The following RUNDC3B variants were observed in gnomAD, a reference collection of about 807,000 sequenced individuals.
The protein encoded by RUNDC3B is RUN domain containing 3B, also known as RUN domain-containing protein 3B.
In RUNDC3B, 33 loss-of-function variants were observed where a neutral mutation model predicts 58.4. That is an observed-to-expected ratio of 0.56 (90% CI 0.43 to 0.75). RUNDC3B has a LOEUF of 0.75. Ranked by LOEUF, RUNDC3B falls within the 30% of genes least tolerant of loss-of-function variation. The pLI is 0.00. For synonymous variants in RUNDC3B, 193 were observed against 195.2 expected, an observed-to-expected ratio of 0.99 and a Z score of 0.10; for missense variants, 501 against 535.7, an observed-to-expected ratio of 0.94 and a Z score of 0.64.
At chr7:87,671,041 G>T (rs1825777228) in intron 2 of RUNDC3B, among the ~76,000 whole-genome samples, 1 of 152,166 alleles carries the variant, frequency 6.6e-6, no homozygotes, top group Non-Finnish European at 1.5e-5. Context: ...GTGACTGAGG[G>T]TCATTTGCTT....
intron 1 of RUNDC3B, among the ~76,000 whole-genome samples, chr7:87,646,698 T>A (rs567913341): frequency 2.0e-5 from 3 of 152,284 alleles, no homozygotes; most frequent in African/African-American, 7.2e-5. Context: ...CATTTCCTTT[T>A]CCTACACACT....
chr7:87,689,089 T>C (rs1827759135), intron 2 of RUNDC3B, among the ~76,000 whole-genome samples: 1 of 152,020 alleles, frequency 6.6e-6, no homozygotes, highest in Non-Finnish European at 1.5e-5. Flanking sequence ...AAATTTAGAT[T>C]TGGCTTCTGG....
At chr7:87,727,997 T>A (rs1042671229) in intron 4 of RUNDC3B, among the ~76,000 whole-genome samples, 4 of 152,134 alleles carry the variant, frequency 2.6e-5, no homozygotes, top group African/African-American at 9.7e-5. Context: ...GCAGAGAATA[T>A]TATTAAAGTT....
At chr7:87,660,468 C>T (rs955189491) in intron 2 of RUNDC3B, among the ~76,000 whole-genome samples, 3 of 152,052 alleles carry the variant, frequency 2.0e-5, no homozygotes, top group African/African-American at 7.2e-5. Flanking sequence ...AAAATTAAAG[C>T]TCTCTAAAGA....
intron 9 of RUNDC3B, among the ~76,000 whole-genome samples, 200 bp from the exon 10 acceptor site, chr7:87,815,941 T>C (rs1316940079): frequency 1.3e-5 from 2 of 152,066 alleles, no homozygotes; most frequent in Admixed American, 6.6e-5. Flanking sequence ...TTCCAATGGA[T>C]TAAACAGATA....
chr7:87,776,058 T>C (rs1450835300), intron 7 of RUNDC3B, among the ~76,000 whole-genome samples: 1 of 152,152 alleles, frequency 6.6e-6, no homozygotes, highest in Non-Finnish European at 1.5e-5. Flanking sequence ...TATACTAACA[T>C]AAGATCATGT....
chr7:87,748,322 C>T (rs895895945), intron 6 of RUNDC3B, among the ~76,000 whole-genome samples: 5 of 152,142 alleles, frequency 3.3e-5, no homozygotes, highest in African/African-American at 9.7e-5. Flanking sequence ...GGGGCACCCA[C>T]GGTATTTGGC....
At chr7:87,711,514 G>A (rs551839514) in intron 4 of RUNDC3B, among the ~76,000 whole-genome samples, 133 of 152,004 alleles carry the variant, frequency 8.7e-4, no homozygotes, top group South Asian at 1.7e-3. Flanking sequence ...TACATATTAG[G>A]ACAACAGTCA....
At chr7:87,755,293 TTA>T (rs1248025483) in intron 6 of RUNDC3B, among the ~76,000 whole-genome samples, 2 of 152,030 alleles carry the variant, frequency 1.3e-5, no homozygotes, top group Non-Finnish European at 2.9e-5. Context: ...AGTCCTGGGA[TTA>T]CAGGTGTGAG....
Position 87,727,605 on chromosome 7 carries a change from T to C in RUNDC3B, c.459-12186T>C, listed in dbSNP as rs539456265. ...TAGCTACATTTTTTTCCCAGATGAA[T>C]TTCTAAAACAAAGATCGACTAGGAA... On this transcript the variant is annotated intron_variant, in intron 4 of 10. Coordinates refer to ENST00000394654, the MANE Select transcript of RUNDC3B (RefSeq NM_001134405.2). Among the ~76,000 whole-genome samples, 8 of 152,284 alleles carry C rather than the reference T, an allele frequency of 5.3e-5. 1 individual carries two copies. The South Asian group carries it at 1.7e-3, about 32-fold the overall frequency.
At chr7:87,752,951 C>G (rs1433351176) in intron 6 of RUNDC3B, among the ~76,000 whole-genome samples, 4 of 151,232 alleles carry the variant, frequency 2.6e-5, no homozygotes, top group Admixed American at 6.6e-5. Context: ...TTTTCTAGTT[C>G]TTTTAATTGT....
rs201006767 is a variant in RUNDC3B at position 87,737,258 on chromosome 7, A to T, written c.459-2533A>T. Reference sequence around the variant, plus strand: ...TGAAAAAAGGGAATTTTAAGTATATACCTTACTATTATTGGATTAGTCATC... The same window carrying T: ...TGAAAAAAGGGAATTTTAAGTATATTCCTTACTATTATTGGATTAGTCATC... On this transcript the variant is annotated intron_variant, in intron 4 of 10. Coordinates refer to ENST00000394654, the MANE Select transcript of RUNDC3B (RefSeq NM_001134405.2). 8.6e-5 allele frequency among the ~76,000 whole-genome samples: 13 copies of T among 152,042 alleles called. No individual in the cohort carries two copies. In the East Asian group the frequency reaches 2.5e-3, roughly 29 times the overall value.
intron 3 of RUNDC3B, among the ~76,000 whole-genome samples, chr7:87,705,820 T>A (rs1334056669): frequency 1.3e-5 from 2 of 152,200 alleles, no homozygotes; most frequent in African/African-American, 2.4e-5. Flanking sequence ...CCACTCCCAA[T>A]TGAATCTTTA....
chr7:87,712,152 G>C lies in RUNDC3B; in HGVS notation c.458+1497G>C, dbSNP rs554240024. ...TACAAAGAAAATAATTGTCATGATT[G>C]TAAGTTTGACCAGGATAGAAAGACT... On this transcript the variant is annotated intron_variant, in intron 4 of 10. Coordinates refer to ENST00000394654, the MANE Select transcript of RUNDC3B (RefSeq NM_001134405.2). Among the ~76,000 whole-genome samples, 723 of 152,148 alleles carry C rather than the reference G, an allele frequency of 4.8e-3. 2 individuals carry two copies. Among genetic ancestry groups the C allele is most frequent in the Non-Finnish European group, 8.0e-3 (542 of 67,962 alleles).
intron 2 of RUNDC3B, among the ~76,000 whole-genome samples, chr7:87,658,513 A>G (rs577337640): frequency 6.6e-6 from 1 of 152,346 alleles, no homozygotes; most frequent in East Asian, 1.9e-4. Flanking sequence ...AGCAAGAGAC[A>G]TAAGCAAACA....
At position 87,752,193 on chromosome 7, in the gene RUNDC3B, A is replaced by T. The variant is rs1364021249; in HGVS notation, c.629+10614A>T. The stretch of plus-strand genomic sequence containing the variant: ...GGATTACATTTATTGATTTGTGTAT[A>T]TGGAACCAGCCTTGCATCCCAGGGA... On this transcript the variant is annotated intron_variant, in intron 6 of 10. Transcript: ENST00000394654. Among the ~76,000 whole-genome samples, 6 of 152,084 alleles carry T rather than the reference A, an allele frequency of 3.9e-5. No homozygotes were observed. In the East Asian group the frequency reaches 9.6e-4, roughly 24 times the overall value.
chr7:87,652,361 C>T (rs923356252), intron 2 of RUNDC3B, among the ~76,000 whole-genome samples: 2 of 152,010 alleles, frequency 1.3e-5, no homozygotes, highest in African/African-American at 4.8e-5. Flanking sequence ...CTCCTGCGCA[C>T]TAATCTGCCA....
intron 9 of RUNDC3B, among the ~76,000 whole-genome samples, chr7:87,809,385 T>G (rs1836592720): frequency 6.6e-6 from 1 of 152,128 alleles, no homozygotes; most frequent in African/African-American, 2.4e-5. Context: ...AGAGATCACT[T>G]TATCTAGAGT....
chr7:87,688,956 A>G (rs533840324), intron 2 of RUNDC3B, among the ~76,000 whole-genome samples: 1 of 152,092 alleles, frequency 6.6e-6, no homozygotes, highest in South Asian at 2.1e-4. Context: ...ACCAATTTAA[A>G]TATTTACTTA....
Sources: allele counts gnomAD v4.1 joint callset (sites outside exome capture counted in the v4.1 genomes callset), GRCh38; gene constraint gnomAD v4.1.1; transcripts MANE v1.5; gene names NCBI Gene and HGNC (gene_info 2026-07-23, HGNC 2026-07-21).